Variants in GPHN observed in about 807,000 individuals in gnomAD.
The protein encoded by GPHN is gephyrin.
GPHN carries 17 observed loss-of-function variants against 95.5 expected under a neutral mutation model. The observed-to-expected ratio is 0.18, with a 90% CI of 0.12 to 0.27. The LOEUF (loss-of-function observed/expected upper bound fraction) is 0.27. Ranked by LOEUF, GPHN falls within the 10% of genes least tolerant of loss-of-function variation. The probability of loss-of-function intolerance (pLI) is 1.00; values close to 1 mark genes in which losing one functional copy is unlikely to be tolerated. For synonymous variants in GPHN, 320 were observed against 322.5 expected, an observed-to-expected ratio of 0.99 and a Z score of 0.08; for missense variants, 660 against 978.1, an observed-to-expected ratio of 0.67 and a Z score of 4.34.
chr14:66,979,029 G>A (rs2070465477), intron 9 of GPHN, among the ~76,000 whole-genome samples: 1 of 152,130 alleles, frequency 6.6e-6, no homozygotes, highest in Non-Finnish European at 1.5e-5. Context: ...TCTAAGCAGT[G>A]GATTTAACAT....
intron 2 of GPHN, among the ~76,000 whole-genome samples, chr14:66,682,515 G>C (rs1423393703): frequency 1.3e-5 from 2 of 152,168 alleles, no homozygotes; most frequent in African/African-American, 4.8e-5. Flanking sequence ...ACTTTGGGAG[G>C]CTGAGGTGGG....
chr14:67,387,302 A>C, the GPHN span: 1 of 1,594,720 alleles, frequency 6.3e-7, no homozygotes, highest in South Asian at 1.1e-5. Flanking sequence ...GGTAGGAGGG[A>C]GGAATCCTGG....
At chr14:67,579,082 A>T in the GPHN span, 27 of 1,349,288 alleles carry the variant, frequency 2.0e-5, no homozygotes, top group African/African-American at 3.6e-4. Flanking sequence ...CGGGGTGCCA[A>T]AGTGGCAGAG....
the GPHN span, among the ~76,000 whole-genome samples, chr14:67,260,773 A>G: frequency 2.0e-5 from 3 of 152,354 alleles, no homozygotes; most frequent in Non-Finnish European, 2.9e-5. Context: ...AGAGTTGACT[A>G]TTAAATTAAT....
At chr14:67,560,726 TC>T in the GPHN span, among the ~76,000 whole-genome samples, 2 of 122,900 alleles carry the variant, frequency 1.6e-5, no homozygotes, top group African/African-American at 6.2e-5. Flanking sequence ...TGAACATATA[TC>T]TTTTTTTTTT....
chr14:67,592,183 C>A, the GPHN span: 2 of 225,022 alleles, frequency 8.9e-6, no homozygotes, highest in South Asian at 4.4e-5. Flanking sequence ...GCTTGTAATC[C>A]CAACACTTTG....
the GPHN span, among the ~76,000 whole-genome samples, chr14:67,496,390 C>CGTTTT: frequency 7.2e-5 from 2 of 27,632 alleles, no homozygotes; most frequent in Non-Finnish European, 1.7e-4. Context: ...ACTGCTCCGG[C>CGTTTT]GTTTTTTTTT....
At chr14:67,359,720 C>G in the GPHN span, 2 of 1,613,628 alleles carry the variant, frequency 1.2e-6, no homozygotes, top group African/African-American at 1.3e-5. Flanking sequence ...CTTTTCGGCT[C>G]GGGTCCCCGG....
intron 1 of GPHN, among the ~76,000 whole-genome samples, chr14:66,653,371 T>C (rs192829348): frequency 1.8e-4 from 28 of 152,338 alleles, no homozygotes; most frequent in East Asian, 7.7e-4. Context: ...GATTTTTTAA[T>C]TAAACTTTTT....
At chr14:67,295,908 G>T in the GPHN span, among the ~76,000 whole-genome samples, 1 of 152,152 alleles carries the variant, frequency 6.6e-6, no homozygotes, top group African/African-American at 2.4e-5. Flanking sequence ...CTTAAAAACA[G>T]ATGTTCATAG....
chr14:66,520,863 C>G (rs908680562), intron 1 of GPHN, among the ~76,000 whole-genome samples: 2 of 152,020 alleles, frequency 1.3e-5, no homozygotes, highest in African/African-American at 4.8e-5. Flanking sequence ...CTTCCCACCC[C>G]CTACCCTCAA....
intron 1 of GPHN, among the ~76,000 whole-genome samples, chr14:66,598,051 C>T (rs748837014): frequency 2.0e-5 from 3 of 152,124 alleles, no homozygotes; most frequent in Non-Finnish European, 2.9e-5. Context: ...TACTCATGAT[C>T]TTACTTATTA....
chr14:67,282,664 C>T, the GPHN span, among the ~76,000 whole-genome samples: 1 of 152,006 alleles, frequency 6.6e-6, no homozygotes, highest in African/African-American at 2.4e-5. Context: ...AACTAGATTT[C>T]AAATGAATAA....
intron 12 of GPHN, among the ~76,000 whole-genome samples, chr14:67,095,992 TAGAATCTC>T (rs1165038100): frequency 1.4e-3 from 191 of 137,094 alleles, no homozygotes; most frequent in African/African-American, 5.6e-3. Context: ...AAAAAGAATT[TAGAATCTC>T]AGACCTTGTC....
At chr14:66,614,937 A>G (rs753460843) in intron 1 of GPHN, among the ~76,000 whole-genome samples, 2 of 151,532 alleles carry the variant, frequency 1.3e-5, no homozygotes, top group Admixed American at 6.6e-5. Context: ...TCACTGTTCA[A>G]CTCCCACTTA....
chr14:67,516,199 G>T, the GPHN span, among the ~76,000 whole-genome samples: 1 of 152,268 alleles, frequency 6.6e-6, no homozygotes. Context: ...GCCCCCATTC[G>T]CACGCCAAGC....
At chr14:67,592,331 T>C in the GPHN span, 1 of 435,390 alleles carries the variant, frequency 2.3e-6, no homozygotes, top group South Asian at 2.1e-5. Flanking sequence ...TCCCAAGTTC[T>C]CAGGAGGCTG....
the GPHN span, chr14:67,279,424 T>C: frequency 6.2e-7 from 1 of 1,614,026 alleles, no homozygotes; most frequent in South Asian, 1.1e-5. Flanking sequence ...AATTCTTCCA[T>C]GAGACTTAAG....
chr14:66,949,612 T>A (rs991138092), intron 8 of GPHN, among the ~76,000 whole-genome samples: 2 of 152,214 alleles, frequency 1.3e-5, no homozygotes, highest in African/African-American at 4.8e-5. Context: ...TGTACTTCTT[T>A]GTACATAGGT....
Sources: allele counts gnomAD v4.1 joint callset (sites outside exome capture counted in the v4.1 genomes callset), GRCh38; gene constraint gnomAD v4.1.1; transcripts MANE v1.5; gene names NCBI Gene and HGNC (gene_info 2026-07-23, HGNC 2026-07-21).